The following WDR75 variants were observed in gnomAD, a reference collection of about 807,000 sequenced individuals.
WDR75 encodes WD repeat domain 75.
WDR75 carries 52 observed loss-of-function variants against 106.1 expected under a neutral mutation model. That is an observed-to-expected ratio of 0.49 (90% CI 0.39 to 0.62). WDR75 has a LOEUF of 0.62. Among genes scored for constraint, WDR75 ranks in the 20% least tolerant of loss-of-function variants. The pLI is 0.00. For synonymous variants in WDR75, 333 were observed against 335.5 expected (o/e 0.99, Z 0.08); for missense variants, 905 against 970.3 (o/e 0.93, Z 0.89).
At chr2:189,472,141 T>C (rs1008091484) in intron 18 of WDR75, among the ~76,000 whole-genome samples, 1 of 152,194 alleles carries the variant, frequency 6.6e-6, no homozygotes, top group Non-Finnish European at 1.5e-5. Flanking sequence ...TAGTCAAGTC[T>C]CTAAACTTGC....
intron 16 of WDR75, among the ~76,000 whole-genome samples, chr2:189,469,665 A>G (rs1332874624): frequency 6.6e-6 from 1 of 152,146 alleles, no homozygotes; most frequent in Non-Finnish European, 1.5e-5. Context: ...TTCGTACTCA[A>G]TCTTTAAAAT....
intron 20 of WDR75, 35 bp from the exon 21 acceptor site, chr2:189,475,178 A>T: frequency 6.9e-7 from 1 of 1,457,270 alleles, no homozygotes; most frequent in Non-Finnish European, 9.4e-7. Flanking sequence ...AGAAACATTT[A>T]ATAGTGTTTA....
chr2:189,457,555 C>A (rs1421083927), intron 6 of WDR75, among the ~76,000 whole-genome samples, 174 bp downstream of exon 6: 2 of 152,114 alleles, frequency 1.3e-5, no homozygotes, highest in African/African-American at 4.8e-5. Context: ...TTTAAGCATA[C>A]TATTAGTCAC....
intron 9 of WDR75, 68 bp downstream of exon 9, chr2:189,462,710 C>A: frequency 6.8e-7 from 1 of 1,477,538 alleles, no homozygotes. Flanking sequence ...CTGTAGGGAA[C>A]AGAGAATAAA....
chr2:189,451,034 T>A (rs1686611214), intron 3 of WDR75, 66 bp downstream of exon 3: 1 of 1,533,766 alleles, frequency 6.5e-7, no homozygotes, highest in Non-Finnish European at 8.7e-7. Flanking sequence ...TAATGGTAGA[T>A]GTACTGTTTC....
intron 2 of WDR75, 51 bp from the exon 3 acceptor site, chr2:189,450,852 T>C: frequency 1.3e-6 from 2 of 1,597,472 alleles, no homozygotes; most frequent in African/African-American, 1.3e-5. Context: ...ATTTGATATC[T>C]TGATGAATTT....
chr2:189,465,538 T>C (rs1686982890), intron 12 of WDR75, among the ~76,000 whole-genome samples: 1 of 152,132 alleles, frequency 6.6e-6, no homozygotes, highest in Non-Finnish European at 1.5e-5. Flanking sequence ...AGAATCCAAA[T>C]GTTCCCTTGC....
At chr2:189,441,992 G>C (rs1028584826) in intron 1 of WDR75, among the ~76,000 whole-genome samples, 4 of 152,280 alleles carry the variant, frequency 2.6e-5, no homozygotes, top group African/African-American at 9.6e-5. Flanking sequence ...CTGAAGCATA[G>C]TGCATGAAGC....
chr2:189,463,662 A>T, intron 9 of WDR75, 32 bp from the exon 10 acceptor site: 1 of 1,611,400 alleles, frequency 6.2e-7, no homozygotes, highest in Admixed American at 1.7e-5. Flanking sequence ...TAACCTATTG[A>T]TATTTAAATA....
rs776626331 is a variant in WDR75 at position 189,474,318 on chromosome 2, C to T, written c.2182C>T (p.Pro728Ser). 15 of 1,609,250 alleles carry T rather than the reference C, an allele frequency of 9.3e-6. No homozygotes were observed. The highest frequency in any genetic ancestry group is 1.3e-5 in the Non-Finnish European group (15 of 1,178,650). ...LVQLPLTENI[P>S]AISELLHTPA... Reference sequence around the variant, plus strand: ...ACAACTACCCTTAACAGAAAACATACCCGCAATTAGTGAGGTAAGTAATTA... The same window carrying T: ...ACAACTACCCTTAACAGAAAACATATCCGCAATTAGTGAGGTAAGTAATTA... Residue 728 changes from proline to serine, a missense_variant, in exon 19 of 21, where the codon CCC (proline) becomes TCC (serine). Transcript: ENST00000314761.
intron 4 of WDR75, among the ~76,000 whole-genome samples, chr2:189,453,148 A>G (rs897946430): frequency 1.3e-5 from 2 of 152,214 alleles, no homozygotes. Flanking sequence ...TAATTAAGTC[A>G]TCTTGCCAGA....
chr2:189,451,854 C>T lies in WDR75; in HGVS notation c.332C>T (p.Ala111Val), dbSNP rs1686628805. The T allele has an allele frequency of 1.9e-6, 3 of 1,613,648 alleles. No individual in the cohort carries two copies. Among genetic ancestry groups the T allele is most frequent in the Non-Finnish European group, 2.5e-6 (3 of 1,179,908 alleles). ...KLHALFTLAQ[A>V]EDSVFVIVNK... ...CATGCCCTCTTTACTCTTGCCCAAG[C>T]TGAGGATTCTGTCTTTGTTATAGTG... is the stretch of plus-strand genomic sequence containing the variant. The change falls in exon 4 of 21, where the codon GCT (alanine) becomes GTT (valine). Residue 111 changes from alanine to valine, a missense_variant. By Grantham distance (64) the Ala-to-Val change is moderately conservative (BLOSUM62 0). Transcript: ENST00000314761.
rs1480838705 is a variant in WDR75, at chr2:189,448,374, T to C, written c.87-5T>C. 1 of 1,609,554 alleles carries C rather than the reference T, an allele frequency of 6.2e-7. No individual in the cohort carries two copies. The highest frequency in any genetic ancestry group is 1.3e-5 in the African/African-American group (1 of 74,606). On this transcript the variant is annotated splice_region_variant and splice_polypyrimidine_tract_variant and intron_variant, in intron 1 of 20. Transcript: ENST00000314761. ...AAAACTTACTTTTCTTTCTTTTTTTTCCAGGTATATCTTCTGTGTCTCTGG... is the reference window on the plus strand; with the variant it reads ...AAAACTTACTTTTCTTTCTTTTTTTCCCAGGTATATCTTCTGTGTCTCTGG...
At chr2:189,449,999 G>A in intron 2 of WDR75, 2 of 985,308 alleles carry the variant, frequency 2.0e-6, no homozygotes, top group African/African-American at 3.5e-5. Context: ...AGTACACTGG[G>A]ACAAAAGTAA....
intron 4 of WDR75, among the ~76,000 whole-genome samples, chr2:189,454,715 G>A (rs1183086366): frequency 6.6e-6 from 1 of 151,842 alleles, no homozygotes; most frequent in African/African-American, 2.4e-5. Flanking sequence ...AGTAGAGACA[G>A]GGTTTCACCG....
At chr2:189,452,085 G>A (rs1037537600) in intron 4 of WDR75, 190 bp downstream of exon 4, 1 of 504,756 alleles carries the variant, frequency 2.0e-6, no homozygotes. Context: ...GTGAGGGAGG[G>A]ATTATTTTTT....
Position 189,458,846 on chromosome 2 carries a change from T to G in WDR75, c.663T>G (p.Gly221=), listed in dbSNP as rs1686799991. 6.2e-7 allele frequency: 1 copy of G among 1,603,790 alleles called. No homozygotes were observed. The highest frequency in any genetic ancestry group is 8.5e-7 in the Non-Finnish European group (1 of 1,175,954). Residue 221 remains glycine, a synonymous_variant, in exon 7 of 21, where the codon GGT becomes GGG. Transcript: ENST00000314761. ...CAACGGAAGACTGCATCGCATCTGGTCACATGGATGGCAAAATTCGTCTTT... is the reference window on the plus strand; with the variant it reads ...CAACGGAAGACTGCATCGCATCTGGGCACATGGATGGCAAAATTCGTCTTT... ...CHPTEDCIAS[G]HMDGKIRLWR...
At chr2:189,469,472 C>T in intron 16 of WDR75, 33 bp downstream of exon 16, 2 of 1,515,342 alleles carry the variant, frequency 1.3e-6, no homozygotes, top group South Asian at 1.1e-5. Flanking sequence ...AGTAAGAGAA[C>T]ATCTATGACC....
rs565632047 is a variant in WDR75, at chr2:189,443,109, C to T, written c.86+1531C>T. 3.3e-4 allele frequency among the ~76,000 whole-genome samples: 51 copies of T among 152,258 alleles called. No individual in the cohort carries two copies. The South Asian group carries it at 4.1e-3, about 12-fold the overall frequency. On this transcript the variant is annotated intron_variant, in intron 1 of 20. Coordinates refer to ENST00000314761, the MANE Select transcript of WDR75 (RefSeq NM_032168.3). The stretch of plus-strand genomic sequence containing the variant: ...TAAGATAATTTTAATATTGATCCTG[C>T]CTTCGAGGAGCTTACAGTCTAGTGA...
Sources: allele counts gnomAD v4.1 joint callset (sites outside exome capture counted in the v4.1 genomes callset), GRCh38; gene constraint gnomAD v4.1.1; transcripts MANE v1.5; gene names NCBI Gene and HGNC (gene_info 2026-07-23, HGNC 2026-07-21).